The following SLC31A2 variants were observed in gnomAD, a reference collection of about 807,000 sequenced individuals.
The protein encoded by SLC31A2 is solute carrier family 31 member 2, also known as protein SLC31A2.
SLC31A2 carries 16 observed loss-of-function variants against 14.4 expected under a neutral mutation model. That is an observed-to-expected ratio of 1.11 (90% CI 0.75 to 1.69). The LOEUF (loss-of-function observed/expected upper bound fraction) is 1.69, where lower values mean the gene tolerates loss of function less well. Among genes scored for constraint, SLC31A2 ranks in the 40% most tolerant of loss-of-function variants. SLC31A2 has a pLI of 0.00. For missense variants in SLC31A2, 140 were observed against 173.9 expected, an observed-to-expected ratio of 0.81 and a Z score of 1.10; for synonymous variants, 56 against 68.7, an observed-to-expected ratio of 0.82 and a Z score of 0.91.
At chr9:113,155,619 T>C (rs1348881441) in intron 1 of SLC31A2, among the ~76,000 whole-genome samples, 1 of 152,196 alleles carries the variant, frequency 6.6e-6, no homozygotes, top group Non-Finnish European at 1.5e-5. Flanking sequence ...GGTACAGGCT[T>C]CTGGCAGTGC....
chr9:113,160,849 G>A (rs758965904), intron 2 of SLC31A2, among the ~76,000 whole-genome samples: 2 of 152,192 alleles, frequency 1.3e-5, no homozygotes, highest in Non-Finnish European at 2.9e-5. Flanking sequence ...TCTAGAAGTC[G>A]TGTGCCAGGA....
intron 1 of SLC31A2, among the ~76,000 whole-genome samples, chr9:113,157,379 C>CG (rs879265054): frequency 1.2e-3 from 183 of 152,126 alleles, no homozygotes; most frequent in Admixed American, 1.0e-3. Context: ...GCTAGGGTCC[C>CG]GGGGGGGTAA....
chr9:113,159,475 C>T (rs967745060), intron 2 of SLC31A2, among the ~76,000 whole-genome samples: 3 of 152,054 alleles, frequency 2.0e-5, no homozygotes, highest in African/African-American at 7.2e-5. Context: ...TGAAGTTTCA[C>T]CATGTACATG....
intron 2 of SLC31A2, among the ~76,000 whole-genome samples, chr9:113,158,707 G>A (rs960575535): frequency 2.6e-5 from 4 of 152,280 alleles, no homozygotes; most frequent in Non-Finnish European, 4.4e-5. Context: ...ATCGAGTGTC[G>A]CAAGAGAACA....
intron 2 of SLC31A2, among the ~76,000 whole-genome samples, chr9:113,160,027 A>G (rs1007039442): frequency 1.6e-4 from 25 of 152,302 alleles, no homozygotes; most frequent in African/African-American, 5.8e-4. Flanking sequence ...ATACAAAAAA[A>G]TTAGCCAGGC....
intron 2 of SLC31A2, 175 bp from the exon 3 acceptor site, chr9:113,161,334 C>T (rs1830009172): frequency 3.1e-6 from 2 of 637,062 alleles, no homozygotes; most frequent in Non-Finnish European, 5.4e-6. Flanking sequence ...CTCAAAGCCA[C>T]ACTCCAGCTA....
At chr9:113,158,924 T>C (rs3935395) in intron 2 of SLC31A2, among the ~76,000 whole-genome samples, 10,842 of 152,094 alleles carry the variant, frequency 0.071, 479 homozygotes, top group South Asian at 0.14. Context: ...CTTTGGAAAA[T>C]GTAATCTATC....
At chr9:113,162,497 T>C (rs1830029810) in intron 3 of SLC31A2, 1 of 360,818 alleles carries the variant, frequency 2.8e-6, no homozygotes, top group Admixed American at 4.9e-5. Flanking sequence ...ACCCTCATTT[T>C]CCCCTTTGCC....
In SLC31A2 at chr9:113,161,515, C is replaced by A. The variant is rs1158327402; in HGVS notation, c.80C>A (p.Ala27Asp). Residue 27 changes from alanine to aspartate, a missense_variant, in exon 3 of 4, where the codon GCC (alanine) becomes GAC (aspartate). Physicochemically the swap from Ala to Asp is moderately radical, Grantham distance 126. Coordinates refer to ENST00000259392, the MANE Select transcript of SLC31A2 (RefSeq NM_001860.3). Reference protein sequence around the residue: ...FWSVHSPAGMALSVLVLLLLA... With the variant: ...FWSVHSPAGMDLSVLVLLLLA... The stretch of plus-strand genomic sequence containing the variant: ...ACTCTGCCTCCTTTGACAGGCATGG[C>A]CCTTTCGGTGTTGGTGCTCCTGCTT... 1.2e-6 allele frequency: 2 copies of A among 1,613,814 alleles called. No individual in the cohort carries two copies. The highest frequency in any genetic ancestry group is 2.7e-5 in the African/African-American group (2 of 74,930).
At position 113,153,673 on chromosome 9, in the gene SLC31A2, A is replaced by G. The variant is rs7028165; in HGVS notation, c.6+2593A>G. On this transcript the variant is annotated intron_variant, in intron 1 of 3. Transcript: ENST00000259392. ...AGGTGAACGTGGTACAGGCACATGC[A>G]GTCCCTCAGAAGACACAGAGCTGTG... Among the ~76,000 whole-genome samples the G allele has an allele frequency of 1.2e-3, 186 of 152,098 alleles. 1 individual carries two copies. Among genetic ancestry groups the G allele is most frequent in the African/African-American group, 4.3e-3 (178 of 41,458 alleles).
At chr9:113,159,146 T>C (rs956501304) in intron 2 of SLC31A2, among the ~76,000 whole-genome samples, 3 of 152,132 alleles carry the variant, frequency 2.0e-5, no homozygotes, top group African/African-American at 7.2e-5. Flanking sequence ...GATCTTTCTC[T>C]TTTTTTGAAA....
In SLC31A2 at chr9:113,151,212, A is replaced by G; in HGVS notation, c.6+132A>G. On this transcript the variant is annotated intron_variant, in intron 1 of 3. Coordinates refer to ENST00000259392, the MANE Select transcript of SLC31A2 (RefSeq NM_001860.3). The surrounding 1 kb of genome is among the most constrained non-coding windows in gnomAD (Gnocchi z 4.2). ...GAAGGGTGTGTTGGCAGCATTGCCA[A>G]CAGCTGGAACAGGGTTGGGGGACGC... 1.1e-6 allele frequency: 1 copy of G among 944,126 alleles called. No individual in the cohort carries two copies. The highest frequency in any genetic ancestry group is 1.4e-6 in the Non-Finnish European group (1 of 710,584). 58.5% of individuals were successfully genotyped at this position (944,126 alleles called of 1,614,324 possible). A position where few individuals can be genotyped will look rare whatever the true frequency, so the allele number is the denominator to read the frequency against.
intron 1 of SLC31A2, chr9:113,152,435 C>T (rs1829880326): frequency 6.6e-6 from 1 of 152,326 alleles, no homozygotes; most frequent in Non-Finnish European, 1.5e-5. Flanking sequence ...CTTCGTCCCT[C>T]TGGGGCTTCG....
intron 2 of SLC31A2, among the ~76,000 whole-genome samples, chr9:113,160,454 A>G (rs2118835165): frequency 6.6e-6 from 1 of 152,328 alleles, no homozygotes; most frequent in East Asian, 1.9e-4. Context: ...AATCAGGGTG[A>G]CTGGGGTGTT....
chr9:113,154,718 A>G (rs1367149419), intron 1 of SLC31A2, among the ~76,000 whole-genome samples: 1 of 152,218 alleles, frequency 6.6e-6, no homozygotes, highest in African/African-American at 2.4e-5. Flanking sequence ...GGATCCGGCT[A>G]TAACAGCATC....
At position 113,157,794 on chromosome 9, in the gene SLC31A2, G is replaced by T. The variant is rs1159513800; in HGVS notation, c.73+1G>T. 6.2e-7 allele frequency: 1 copy of T among 1,611,330 alleles called. No homozygotes were observed. The highest frequency in any genetic ancestry group is 1.3e-5 in the African/African-American group (1 of 74,970). ...TTCTGGAGTGTCCACAGTCCTGCTG[G>T]TAAGAATTGGGGACCTCAGACTTGT... On this transcript the variant is annotated splice_donor_variant, in intron 2 of 3. Coordinates refer to ENST00000259392, the MANE Select transcript of SLC31A2 (RefSeq NM_001860.3). LOFTEE classifies it high-confidence loss of function.
In SLC31A2 at chr9:113,164,090, G is replaced by GAATT. The variant is rs1292397070; in HGVS notation, c.*1176_*1179dup. The GAATT allele has an allele frequency of 7.3e-6, 1 of 136,650 alleles. No homozygotes were observed. Among genetic ancestry groups the GAATT allele is most frequent in the Non-Finnish European group, 1.7e-5 (1 of 60,414 alleles). 8.5% of individuals were successfully genotyped at this position (136,650 alleles called of 1,614,324 possible). On this transcript the variant is annotated 3_prime_UTR_variant, in exon 4 of 4. Coordinates refer to ENST00000259392, the MANE Select transcript of SLC31A2 (RefSeq NM_001860.3). ...ATGAAAAGATGGTTGTAAGCTTTGG[G>GAATT]AATTAAAAACAAACAAATACATTTT...
chr9:113,157,919 A>T, intron 2 of SLC31A2, 126 bp downstream of exon 2: 1 of 741,914 alleles, frequency 1.3e-6, no homozygotes, highest in Non-Finnish European at 2.4e-6. Flanking sequence ...ATAAACACTG[A>T]GCAGGAACTT....
At chr9:113,158,673 G>A (rs149819277) in intron 2 of SLC31A2, among the ~76,000 whole-genome samples, 76 of 152,326 alleles carry the variant, frequency 5.0e-4, no homozygotes, top group Non-Finnish European at 6.3e-4. Flanking sequence ...GGGCTTCCTC[G>A]TGGCAGAGTG....
Sources: allele counts gnomAD v4.1 joint callset (sites outside exome capture counted in the v4.1 genomes callset), GRCh38; gene constraint gnomAD v4.1.1; non-coding constraint Gnocchi (gnomAD v3.1); transcripts MANE v1.5; gene names NCBI Gene and HGNC (gene_info 2026-07-23, HGNC 2026-07-21).